The following ARPC1A variants were observed in gnomAD, a reference collection of about 807,000 sequenced individuals.
The protein encoded by ARPC1A is actin-related protein 2/3 complex subunit 1A.
Under a neutral mutation model 46.9 loss-of-function variants are expected in ARPC1A, and 8 were observed. That is an observed-to-expected ratio of 0.17 (90% confidence interval 0.10 to 0.31). ARPC1A has a LOEUF of 0.31. ARPC1A is among the 10% of genes least tolerant of loss of function. The pLI, the probability that ARPC1A is intolerant of heterozygous loss-of-function variation, is 1.00. For synonymous variants in ARPC1A, 152 were observed against 169.0 expected (o/e 0.90, Z 0.78); for missense variants, 286 against 483.6 (o/e 0.59, Z 3.83).
At chr7:99,365,630 A>G (rs1006929866) in intron 9 of ARPC1A, among the ~76,000 whole-genome samples, 7 of 149,466 alleles carry the variant, frequency 4.7e-5, no homozygotes, top group South Asian at 2.1e-4. Flanking sequence ...AAAAAAAAAA[A>G]GAGGAGTGAG....
At chr7:99,332,803 G>A (rs1024040253) in intron 1 of ARPC1A, among the ~76,000 whole-genome samples, 2 of 148,212 alleles carry the variant, frequency 1.3e-5, no homozygotes, top group African/African-American at 4.9e-5. Flanking sequence ...GGGTTTCACC[G>A]TGTTAGCCAG....
chr7:99,350,010 C>CA (rs1418779753), intron 5 of ARPC1A, among the ~76,000 whole-genome samples: 3 of 151,944 alleles, frequency 2.0e-5, no homozygotes, highest in South Asian at 2.1e-4. Context: ...GACTCCATCT[C>CA]AAAAAACAAA....
intron 6 of ARPC1A, among the ~76,000 whole-genome samples, chr7:99,354,815 CT>C (rs2150871252): frequency 6.6e-6 from 1 of 152,044 alleles, no homozygotes; most frequent in Non-Finnish European, 1.5e-5. Context: ...AACCCTGTCT[CT>C]AATAAAAATA....
Position 99,354,100 on chromosome 7 carries a change from C to G in ARPC1A, c.692C>G (p.Ala231Gly), listed in dbSNP as rs1793592743. ...WVSHDSTVSV[A>G]DASKSVQVST... The stretch of plus-strand genomic sequence containing the variant: ...AGCCACGACAGCACCGTGTCTGTTG[C>G]TGATGCCTCAAAAAGTGTGCAGTGA... Residue 231 changes from alanine (A) to glycine (G), a missense_variant, in exon 6 of 10, where the codon GCT becomes GGT. This residue lies in a region of ARPC1A where 182 missense variants were observed against 276.7 expected (regional missense o/e 0.66). Transcript: ENST00000262942. 6.2e-7 allele frequency: 1 copy of G among 1,613,784 alleles called. No homozygotes were observed. The highest frequency in any genetic ancestry group is 1.7e-5 in the Admixed American group (1 of 59,964).
At chr7:99,353,797 A>T in intron 5 of ARPC1A, 112 bp from the exon 6 acceptor site, 1 of 1,054,622 alleles carries the variant, frequency 9.5e-7, no homozygotes, top group Non-Finnish European at 1.4e-6. Flanking sequence ...ATTTTTTTTT[A>T]ATGAGTCAAC....
At chr7:99,338,879 T>C (rs1226648378) in intron 3 of ARPC1A, among the ~76,000 whole-genome samples, 2 of 152,200 alleles carry the variant, frequency 1.3e-5, no homozygotes, top group Non-Finnish European at 2.9e-5. Context: ...AATTGAAAGC[T>C]AGATAACATG....
intron 9 of ARPC1A, 149 bp from the exon 10 acceptor site, chr7:99,365,742 A>G: frequency 1.3e-6 from 1 of 779,810 alleles, no homozygotes. Context: ...CTGCGGGGTG[A>G]GTCCTGGGAG....
intron 1 of ARPC1A, among the ~76,000 whole-genome samples, 156 bp downstream of exon 1, chr7:99,326,160 G>T (rs1430398698): frequency 6.6e-6 from 1 of 152,176 alleles, no homozygotes; most frequent in Non-Finnish European, 1.5e-5. Context: ...TCCTGAGGGG[G>T]CGGGGATCCC....
chr7:99,327,477 AT>A (rs112492087), intron 1 of ARPC1A, among the ~76,000 whole-genome samples: 373 of 138,898 alleles, frequency 2.7e-3, no homozygotes, highest in Middle Eastern at 3.5e-3. Flanking sequence ...CGCCTGGCTA[AT>A]TTTTTTTTTT....
At chr7:99,332,604 ATTT>A (rs57321957) in intron 1 of ARPC1A, among the ~76,000 whole-genome samples, 2 of 141,862 alleles carry the variant, frequency 1.4e-5, no homozygotes, top group Admixed American at 7.1e-5. Flanking sequence ...AATGAGATAG[ATTT>A]TTTTTTTTTT....
intron 1 of ARPC1A, among the ~76,000 whole-genome samples, chr7:99,331,950 C>A (rs761093677): frequency 6.6e-6 from 1 of 152,196 alleles, no homozygotes; most frequent in Admixed American, 6.6e-5. Context: ...AATCAACTTT[C>A]ACTTATCAAA....
At chr7:99,360,968 G>A (rs534401901) in intron 8 of ARPC1A, among the ~76,000 whole-genome samples, 1 of 150,264 alleles carries the variant, frequency 6.7e-6, no homozygotes, top group Non-Finnish European at 1.5e-5. Context: ...AAGGCACCTG[G>A]AGGAGAAATA....
chr7:99,338,835 G>A (rs1793311481), intron 3 of ARPC1A, among the ~76,000 whole-genome samples: 1 of 152,134 alleles, frequency 6.6e-6, no homozygotes, highest in African/African-American at 2.4e-5. Context: ...CTACCCTGAG[G>A]ACTAAAGAGC....
intron 5 of ARPC1A, among the ~76,000 whole-genome samples, chr7:99,351,597 T>C (rs1221747491): frequency 6.6e-6 from 1 of 152,188 alleles, no homozygotes; most frequent in African/African-American, 2.4e-5. Flanking sequence ...CTTGGCCTTC[T>C]AAGACTAAAG....
chr7:99,365,763 A>T, intron 9 of ARPC1A, 128 bp from the exon 10 acceptor site: 1 of 963,866 alleles, frequency 1.0e-6, no homozygotes, highest in Non-Finnish European at 1.6e-6. Context: ...ATCCTGTTTC[A>T]GGTGGGGCAG....
At chr7:99,340,854 A>C (rs922970130) in intron 3 of ARPC1A, among the ~76,000 whole-genome samples, 1 of 152,226 alleles carries the variant, frequency 6.6e-6, no homozygotes, top group East Asian at 1.9e-4. Flanking sequence ...GCTCTTGAGC[A>C]CCAGTAGCTG....
At chr7:99,359,029 C>T (rs1171027721) in intron 7 of ARPC1A, among the ~76,000 whole-genome samples, 1 of 149,996 alleles carries the variant, frequency 6.7e-6, no homozygotes, top group Admixed American at 6.6e-5. Context: ...GATGGGGTTT[C>T]ACCATGTTAG....
At chr7:99,358,264 C>A in intron 6 of ARPC1A, 76 bp from the exon 7 acceptor site, 1 of 1,445,220 alleles carries the variant, frequency 6.9e-7, no homozygotes, top group Non-Finnish European at 9.7e-7. Context: ...GAGAATGGGT[C>A]CTTTGTGATC....
chr7:99,328,996 G>A lies in ARPC1A; in HGVS notation c.-30+2992G>A, dbSNP rs556249757. On this transcript the variant is annotated intron_variant, in intron 1 of 9. Transcript: ENST00000262942. ...AGAAAAGGGATGAGGGGGGAGGGAG[G>A]GAGGAAAAGAAAAGGGATGAGGGGC... Among the ~76,000 whole-genome samples, 8 of 151,234 alleles carry A rather than the reference G, an allele frequency of 5.3e-5. No homozygotes were observed. In the East Asian group the frequency reaches 1.6e-3, roughly 30 times the overall value.
Sources: gnomAD v4.1 joint callset for allele counts (sites outside exome capture counted in the v4.1 genomes callset) on GRCh38, gnomAD v4.1.1 for gene constraint, gnomAD v4.1.1 regional missense constraint, MANE v1.5 for transcripts, NCBI Gene and HGNC (gene_info 2026-07-23, HGNC 2026-07-21) for gene names.